SCFD2: variants seen among roughly 807,000 people sequenced by gnomAD.
The protein encoded by SCFD2 is sec1 family domain containing 2, also known as sec1 family domain-containing protein 2.
SCFD2 carries 54 observed loss-of-function variants against 58.9 expected under a neutral mutation model. That is an observed-to-expected ratio of 0.92 (90% CI 0.74 to 1.15). The LOEUF (loss-of-function observed/expected upper bound fraction) is 1.15. SCFD2 is among the 50% of genes most tolerant of loss of function. The probability of loss-of-function intolerance (pLI) is 0.00; values close to 1 mark genes in which losing one functional copy is unlikely to be tolerated. For synonymous variants in SCFD2, 321 were observed against 335.9 expected (o/e 0.96, Z 0.49); for missense variants, 805 against 836.6 (o/e 0.96, Z 0.47).
chr4:53,080,096 G>A (rs1724096257), intron 5 of SCFD2, among the ~76,000 whole-genome samples: 4 of 152,082 alleles, frequency 2.6e-5, no homozygotes, highest in African/African-American at 7.2e-5. Flanking sequence ...GCAACATACA[G>A]AACCAAGTGT....
intron 5 of SCFD2, among the ~76,000 whole-genome samples, chr4:53,090,759 G>A (rs2148866040): frequency 6.6e-6 from 1 of 152,240 alleles, no homozygotes; most frequent in South Asian, 2.1e-4. Flanking sequence ...AGCTTACATT[G>A]AAAAGCTAAT....
At chr4:53,251,932 G>A (rs1408150176) in intron 4 of SCFD2, among the ~76,000 whole-genome samples, 6 of 151,908 alleles carry the variant, frequency 3.9e-5, no homozygotes, top group Non-Finnish European at 7.4e-5. Context: ...TAGGAAAAGA[G>A]GAAGTCAAAT....
intron 4 of SCFD2, among the ~76,000 whole-genome samples, chr4:53,217,683 G>C (rs958140624): frequency 1.3e-5 from 2 of 152,106 alleles, no homozygotes; most frequent in African/African-American, 2.4e-5. Flanking sequence ...GATCCTGTCA[G>C]TATGATGTTA....
chr4:53,004,533 T>C (rs1721930849), intron 5 of SCFD2, among the ~76,000 whole-genome samples: 1 of 152,208 alleles, frequency 6.6e-6, no homozygotes, highest in African/African-American at 2.4e-5. Flanking sequence ...TTATGATTCC[T>C]TTTGACAGAG....
chr4:53,189,670 C>G lies in SCFD2; in HGVS notation c.1312-44088G>C, dbSNP rs147449829. Reference sequence around the variant, plus strand: ...CAAAGGCCCCACCTCCAAATACCATCACATTGGAGCTTAGGGCTTCAACAT... The same window carrying G: ...CAAAGGCCCCACCTCCAAATACCATGACATTGGAGCTTAGGGCTTCAACAT... On this transcript the variant is annotated intron_variant, in intron 4 of 8. Transcript: ENST00000401642. Among the ~76,000 whole-genome samples, 334 of 152,302 alleles carry G rather than the reference C, an allele frequency of 2.2e-3. 2 individuals are homozygous for G. The highest frequency in any genetic ancestry group is 7.7e-3 in the African/African-American group (318 of 41,566).
At chr4:53,339,771 A>G (rs1054556197) in intron 2 of SCFD2, among the ~76,000 whole-genome samples, 76 of 152,300 alleles carry the variant, frequency 5.0e-4, no homozygotes, top group African/African-American at 1.7e-3. Context: ...CTCTGTCTCA[A>G]AAAAGAAAAA....
chr4:53,189,104 T>G (rs1182405572), intron 4 of SCFD2, among the ~76,000 whole-genome samples: 4 of 152,206 alleles, frequency 2.6e-5, no homozygotes, highest in Admixed American at 2.6e-4. Flanking sequence ...AAAACTTTTC[T>G]CTAAGCTCCT....
intron 6 of SCFD2, among the ~76,000 whole-genome samples, chr4:52,912,914 C>G (rs1719519148): frequency 6.6e-6 from 1 of 152,174 alleles, no homozygotes; most frequent in Non-Finnish European, 1.5e-5. Context: ...CTCAAAGATT[C>G]TCTCGCATGC....
At chr4:53,213,181 C>G (rs913229969) in intron 4 of SCFD2, among the ~76,000 whole-genome samples, 3 of 151,982 alleles carry the variant, frequency 2.0e-5, no homozygotes, top group African/African-American at 7.3e-5. Context: ...TAAAGAAAGT[C>G]CAGTTGCATA....
At chr4:53,353,202 T>C (rs1211545673) in intron 1 of SCFD2, among the ~76,000 whole-genome samples, 3 of 152,076 alleles carry the variant, frequency 2.0e-5, no homozygotes, top group Non-Finnish European at 4.4e-5. Flanking sequence ...GCTTCAGGAG[T>C]GAAGCTGCAG....
chr4:53,356,517 C>G (rs1386154294), intron 1 of SCFD2, among the ~76,000 whole-genome samples: 1 of 152,074 alleles, frequency 6.6e-6, no homozygotes. Context: ...CCTAGATTTC[C>G]CAGACTCAGG....
chr4:53,285,178 C>T (rs1418366128), intron 3 of SCFD2, among the ~76,000 whole-genome samples: 1 of 152,126 alleles, frequency 6.6e-6, no homozygotes, highest in Non-Finnish European at 1.5e-5. Context: ...AAACATAAAA[C>T]CATCAGAAAC....
At chr4:53,192,532 A>G (rs962139198) in intron 4 of SCFD2, among the ~76,000 whole-genome samples, 1 of 152,176 alleles carries the variant, frequency 6.6e-6, no homozygotes, top group Non-Finnish European at 1.5e-5. Context: ...TATTCTAAAT[A>G]AAATGTTTAT....
At chr4:52,900,803 C>T (rs1173126549) in intron 7 of SCFD2, among the ~76,000 whole-genome samples, 2 of 152,208 alleles carry the variant, frequency 1.3e-5, no homozygotes, top group African/African-American at 4.8e-5. Context: ...TTCGAGCTTC[C>T]CTGTCGCTTT....
intron 2 of SCFD2, among the ~76,000 whole-genome samples, chr4:53,348,717 ATTT>A (rs200497451): frequency 3.5e-5 from 5 of 141,654 alleles, no homozygotes; most frequent in African/African-American, 2.6e-5. Context: ...TTATGACCAT[ATTT>A]TTTTTTTTTT....
chr4:53,145,670 A>G, intron 4 of SCFD2, 88 bp from the exon 5 acceptor site: 1 of 1,197,264 alleles, frequency 8.4e-7, no homozygotes, highest in East Asian at 2.4e-5. Flanking sequence ...GCTTTCAAAC[A>G]AGTCTGTATA....
At chr4:53,043,888 T>C (rs1359297018) in intron 5 of SCFD2, among the ~76,000 whole-genome samples, 2 of 152,232 alleles carry the variant, frequency 1.3e-5, no homozygotes, top group Non-Finnish European at 2.9e-5. Context: ...TCTTATTTTT[T>C]GACATTGATA....
intron 5 of SCFD2, among the ~76,000 whole-genome samples, chr4:53,009,132 T>C (rs1697555217): frequency 6.6e-6 from 1 of 152,196 alleles, no homozygotes; most frequent in South Asian, 2.1e-4. Context: ...AAACTATTAG[T>C]CCTCTCTCAC....
chr4:53,224,353 C>A (rs1263353940), intron 4 of SCFD2, among the ~76,000 whole-genome samples: 3 of 148,264 alleles, frequency 2.0e-5, no homozygotes, highest in Admixed American at 6.8e-5. Context: ...CACCCCACTG[C>A]ACTCCAGCCT....
Sources: allele counts gnomAD v4.1 joint callset (sites outside exome capture counted in the v4.1 genomes callset), GRCh38; gene constraint gnomAD v4.1.1; transcripts MANE v1.5; gene names NCBI Gene and HGNC (gene_info 2026-07-23, HGNC 2026-07-21).